STKLD1: variants seen among roughly 807,000 people sequenced by gnomAD.
STKLD1 encodes serine/threonine kinase-like domain-containing protein STKLD1.
STKLD1 carries 79 observed loss-of-function variants against 80.4 expected under a neutral mutation model. The ratio of observed to expected loss-of-function variants is 0.98; its 90% confidence interval spans 0.82 to 1.19. The LOEUF (loss-of-function observed/expected upper bound fraction) is 1.19. Ranked by LOEUF, STKLD1 falls within the 50% of genes most tolerant of loss-of-function variation. The probability of loss-of-function intolerance (pLI) is 0.00; values close to 1 mark genes in which losing one functional copy is unlikely to be tolerated. For missense variants in STKLD1, 841 were observed against 856.0 expected (o/e 0.98, Z 0.22); for synonymous variants, 393 against 357.6 (o/e 1.10, Z -1.12).
Position 133,394,755 on chromosome 9 carries a change from G to A in STKLD1, c.702+346G>A. 2 of 295,516 alleles carry A rather than the reference G, an allele frequency of 6.8e-6. No individual in the cohort carries two copies. Among genetic ancestry groups the A allele is most frequent in the Admixed American group, 4.4e-5 (1 of 22,658 alleles). The allele number at this position is 295,516 out of a possible 1,614,324, so 18.3% of individuals were successfully genotyped here. Reference sequence around the variant, plus strand: ...AAGGCTGCACGGAGTTGCAAGCAACGGGAACCCAGTGTGGGCCTGAACACA... The same window carrying A: ...AAGGCTGCACGGAGTTGCAAGCAACAGGAACCCAGTGTGGGCCTGAACACA... On this transcript the variant is annotated intron_variant, in intron 8 of 17. Transcript: ENST00000371957. The surrounding 1 kb of genome is among the most constrained non-coding windows in gnomAD (Gnocchi z 4.9).
intron 2 of STKLD1, among the ~76,000 whole-genome samples, chr9:133,379,523 T>A (rs1838083571): frequency 6.6e-6 from 1 of 152,196 alleles, no homozygotes. Context: ...GCCACCTCAC[T>A]GGGGGACACC....
At chr9:133,382,497 T>C (rs959754948) in intron 2 of STKLD1, among the ~76,000 whole-genome samples, 2 of 151,660 alleles carry the variant, frequency 1.3e-5, no homozygotes, top group Non-Finnish European at 2.9e-5. Context: ...GTGGTGGTGA[T>C]GGTGGTGGCA....
intron 2 of STKLD1, among the ~76,000 whole-genome samples, chr9:133,382,212 G>A (rs1237079543): frequency 6.6e-6 from 1 of 152,228 alleles, no homozygotes; most frequent in African/African-American, 2.4e-5. Context: ...GAAGTGGTGA[G>A]ATTGATGCTT....
Position 133,404,068 on chromosome 9 carries a change from G to T in STKLD1, c.1732+20G>T. ...TGTCAGGTGAGCCTGGGGACAGGAC[G>T]AGGCTGCCACCTAGAGGTGGGGGCA... is the stretch of plus-strand genomic sequence containing the variant. On this transcript the variant is annotated intron_variant, in intron 16 of 17. Coordinates refer to ENST00000371957, the MANE Select transcript of STKLD1 (RefSeq NM_153710.5). The T allele has an allele frequency of 2.6e-6, 4 of 1,567,348 alleles. 1 individual carries two copies. In the South Asian group the frequency reaches 4.8e-5, roughly 19 times the overall value.
intron 2 of STKLD1, 98 bp from the exon 3 acceptor site, chr9:133,383,758 C>A: frequency 8.9e-7 from 1 of 1,122,346 alleles, no homozygotes; most frequent in Non-Finnish European, 1.4e-6. Flanking sequence ...GGTGGCTGTG[C>A]AGATGATGGT....
At chr9:133,397,437 C>A (rs1208838640) in intron 10 of STKLD1, 143 bp downstream of exon 10, 2 of 1,122,646 alleles carry the variant, frequency 1.8e-6, no homozygotes, top group East Asian at 5.1e-5. Flanking sequence ...GAACAGTTTC[C>A]CTCCATCCAT....
intron 12 of STKLD1, among the ~76,000 whole-genome samples, chr9:133,401,425 C>A (rs918415402): frequency 2.0e-5 from 3 of 152,126 alleles, no homozygotes; most frequent in Non-Finnish European, 4.4e-5. Flanking sequence ...CATGAGCCAC[C>A]GCGCGCGGCC....
intron 2 of STKLD1, among the ~76,000 whole-genome samples, chr9:133,383,287 T>G (rs1838186103): frequency 1.8e-5 from 1 of 54,892 alleles, no homozygotes; most frequent in Non-Finnish European, 3.6e-5. Flanking sequence ...GGTGGTGGTG[T>G]GATGATGTGA....
At chr9:133,383,793 G>A in intron 2 of STKLD1, 63 bp from the exon 3 acceptor site, 2 of 1,497,270 alleles carry the variant, frequency 1.3e-6, no homozygotes, top group Non-Finnish European at 1.9e-6. Context: ...TGGTGGTGAT[G>A]GCGGTGATAA....
rs2130247742 is a variant in STKLD1, at chr9:133,376,447, C to T, written c.-27C>T. ...CGCGGGGTGGGGCCAGGGGTGGACGCTCGCCCGTACGCGGTCGCTACTGAT... is the reference window on the plus strand; with the variant it reads ...CGCGGGGTGGGGCCAGGGGTGGACGTTCGCCCGTACGCGGTCGCTACTGAT... On this transcript the variant is annotated 5_prime_UTR_variant, in exon 1 of 18. Coordinates refer to ENST00000371957, the MANE Select transcript of STKLD1 (RefSeq NM_153710.5). The T allele has an allele frequency of 3.9e-6, 6 of 1,553,594 alleles. No individual in the cohort carries two copies. The African/African-American group carries it at 6.9e-5, about 18-fold the overall frequency.
Position 133,389,191 on chromosome 9 carries a change from G to A in STKLD1, c.397-335G>A, listed in dbSNP as rs963000832. ...CTTCCACCTCTCCCATACCCGCAAG[G>A]CCGATCTGCCTTCAGCTCCCAGCAA... On this transcript the variant is annotated intron_variant, in intron 5 of 17. Coordinates refer to ENST00000371957, the MANE Select transcript of STKLD1 (RefSeq NM_153710.5). This position sits in a 1 kb window ranked among gnomAD's most constrained non-coding sequence, Gnocchi z 6.4. 4.1e-6 allele frequency: 4 copies of A among 985,250 alleles called. No individual in the cohort carries two copies. The highest frequency in any genetic ancestry group is 4.8e-6 in the Non-Finnish European group (4 of 829,922). The allele number at this position is 985,250 out of a possible 1,614,324, so 61.0% of individuals were successfully genotyped here. A position where few individuals can be genotyped will look rare whatever the true frequency, so the allele number is the denominator to read the frequency against.
rs1838505207 is a variant in STKLD1 at position 133,394,439 on chromosome 9, C to T, written c.702+30C>T. 1 of 1,517,048 alleles carries T rather than the reference C, an allele frequency of 6.6e-7. No individual in the cohort carries two copies. The highest frequency in any genetic ancestry group is 9.2e-7 in the Non-Finnish European group (1 of 1,092,508). The allele number at this position is 1,517,048 out of a possible 1,614,324, so 94.0% of individuals were successfully genotyped here. A position where few individuals can be genotyped will look rare whatever the true frequency, so the allele number is the denominator to read the frequency against. ...GCCGCCCTCCCTCCCCCACACCCCA[C>T]ATGCTGTTCCCCACGCGCCCAGGCC... On this transcript the variant is annotated intron_variant, in intron 8 of 17. Coordinates refer to ENST00000371957, the MANE Select transcript of STKLD1 (RefSeq NM_153710.5). This position sits in a 1 kb window ranked among gnomAD's most constrained non-coding sequence, Gnocchi z 4.9.
intron 1 of STKLD1, 47 bp downstream of exon 1, chr9:133,376,607 G>T (rs1837964280): frequency 6.7e-7 from 1 of 1,502,018 alleles, no homozygotes. Context: ...TGGGGTAACG[G>T]TCGCAACCCT....
Position 133,384,675 on chromosome 9 carries a change from A to G in STKLD1, c.219+775A>G, listed in dbSNP as rs1389937094. On this transcript the variant is annotated intron_variant, in intron 3 of 17. Transcript: ENST00000371957. This position sits in a 1 kb window ranked among gnomAD's most constrained non-coding sequence, Gnocchi z 4.3. Reference sequence around the variant, plus strand: ...AGCAATCGTCCCACCTCGGCCTCCAAAGTGCTGGGGTACAGGCATGTACCA... The same window carrying G: ...AGCAATCGTCCCACCTCGGCCTCCAGAGTGCTGGGGTACAGGCATGTACCA... 2 of 151,948 alleles carry G rather than the reference A, an allele frequency of 1.3e-5. No homozygotes were observed. Among genetic ancestry groups the G allele is most frequent in the Non-Finnish European group, 2.9e-5 (2 of 67,976 alleles). The allele number at this position is 151,948 out of a possible 1,614,324, so 9.4% of individuals were successfully genotyped here. A position where few individuals can be genotyped will look rare whatever the true frequency, so the allele number is the denominator to read the frequency against.
At position 133,390,592 on chromosome 9, in the gene STKLD1, C is replaced by A; in HGVS notation, c.468-89C>A. 1 of 923,994 alleles carries A rather than the reference C, an allele frequency of 1.1e-6. No homozygotes were observed. The highest frequency in any genetic ancestry group is 1.8e-6 in the Non-Finnish European group (1 of 564,456). The allele number at this position is 923,994 out of a possible 1,614,324, so 57.2% of individuals were successfully genotyped here. ...GCAGGGAGCAGAGAGTCAGGCTCAG[C>A]ACACACACTGGTCCCACCTGGGGTT... On this transcript the variant is annotated intron_variant, in intron 6 of 17. Coordinates refer to ENST00000371957, the MANE Select transcript of STKLD1 (RefSeq NM_153710.5). This position sits in a 1 kb window ranked among gnomAD's most constrained non-coding sequence, Gnocchi z 5.1.
chr9:133,393,983 C>T, intron 7 of STKLD1: 1 of 334,532 alleles, frequency 3.0e-6, no homozygotes, highest in Non-Finnish European at 5.5e-6. Context: ...CGTGCCTCTT[C>T]CAACTCCTTC....
intron 7 of STKLD1, among the ~76,000 whole-genome samples, chr9:133,391,724 T>G (rs587705360): frequency 1.3e-5 from 2 of 151,572 alleles, no homozygotes; most frequent in African/African-American, 2.4e-5. Context: ...ACACAAACAC[T>G]CTGCCTAGGA....
At chr9:133,383,213 A>G (rs1838181922) in intron 2 of STKLD1, among the ~76,000 whole-genome samples, 2 of 146,904 alleles carry the variant, frequency 1.4e-5, no homozygotes, top group Admixed American at 6.8e-5. Flanking sequence ...TTTGGTAATG[A>G]TGGTGGTGAT....
intron 10 of STKLD1, among the ~76,000 whole-genome samples, chr9:133,397,715 C>T (rs2130679138): frequency 6.6e-6 from 1 of 152,324 alleles, no homozygotes; most frequent in Non-Finnish European, 1.5e-5. Context: ...CTTCTATGTG[C>T]CCAGGATGAG....
Sources: gnomAD v4.1 joint callset for allele counts (sites outside exome capture counted in the v4.1 genomes callset) on GRCh38, gnomAD v4.1.1 for gene constraint, Gnocchi (gnomAD v3.1) non-coding constraint, MANE v1.5 for transcripts, NCBI Gene and HGNC (gene_info 2026-07-23, HGNC 2026-07-21) for gene names.